Variants in ITFG1 observed in about 807,000 individuals in gnomAD.
ITFG1 encodes integrin alpha FG-GAP repeat containing 1, also known as T-cell immunomodulatory protein.
ITFG1 carries 34 observed loss-of-function variants against 81.8 expected under a neutral mutation model. The observed-to-expected ratio is 0.42, with a 90% CI of 0.32 to 0.55. The LOEUF is 0.55. ITFG1 is among the 20% of genes least tolerant of loss of function. ITFG1 has a pLI of 0.17. For missense variants in ITFG1, 672 were observed against 755.4 expected, an observed-to-expected ratio of 0.89 and a Z score of 1.29; for synonymous variants, 285 against 270.6, an observed-to-expected ratio of 1.05 and a Z score of -0.52.
intron 10 of ITFG1, among the ~76,000 whole-genome samples, chr16:47,286,732 G>C (rs1482263260): frequency 1.3e-5 from 2 of 152,002 alleles, no homozygotes; most frequent in African/African-American, 4.8e-5. Flanking sequence ...AGGTCCTTAA[G>C]TCCTAAAGAG....
chr16:47,270,739 A>G (rs1017740184), intron 10 of ITFG1, among the ~76,000 whole-genome samples: 3 of 152,248 alleles, frequency 2.0e-5, no homozygotes, highest in Non-Finnish European at 4.4e-5. Flanking sequence ...GCAAAGAGCT[A>G]AAGATACATG....
At chr16:47,255,012 G>A (rs1781718640) in intron 12 of ITFG1, among the ~76,000 whole-genome samples, 1 of 152,152 alleles carries the variant, frequency 6.6e-6, no homozygotes, top group African/African-American at 2.4e-5. Context: ...GCTTCAACCT[G>A]GGAGGCGGAG....
At chr16:47,255,064 G>A (rs972517289) in intron 12 of ITFG1, among the ~76,000 whole-genome samples, 4 of 152,278 alleles carry the variant, frequency 2.6e-5, no homozygotes, top group Admixed American at 6.5e-5. Context: ...TCCAGTCTGG[G>A]CAATAGACCG....
intron 6 of ITFG1, chr16:47,426,405 A>G (rs1252298601): frequency 6.6e-6 from 1 of 151,600 alleles, no homozygotes; most frequent in Non-Finnish European, 1.5e-5. Context: ...CAAAAATAAG[A>G]TTAAAAAAAT....
At chr16:47,318,216 T>G (rs1967393591) in intron 8 of ITFG1, among the ~76,000 whole-genome samples, 1 of 152,220 alleles carries the variant, frequency 6.6e-6, no homozygotes, top group Non-Finnish European at 1.5e-5. Flanking sequence ...TGCAAATACA[T>G]ATACTACATA....
intron 14 of ITFG1, among the ~76,000 whole-genome samples, chr16:47,211,597 G>A (rs889077870): frequency 3.3e-5 from 5 of 152,102 alleles, no homozygotes; most frequent in Non-Finnish European, 5.9e-5. Context: ...CCTAATCTTC[G>A]ACGCAGACCA....
rs140841532 is a variant in ITFG1, at chr16:47,375,449, T to TA, written c.720+426dup. On this transcript the variant is annotated intron_variant, in intron 7 of 17. Coordinates refer to ENST00000320640, the MANE Select transcript of ITFG1 (RefSeq NM_030790.5). ...CCTATTGGGAAAGATTTCTTAATCC[T>TA]AGTCAACGTGGCAGTAAGTTTGGTG... is the stretch of plus-strand genomic sequence containing the variant. 2.7e-3 allele frequency among the ~76,000 whole-genome samples: 406 copies of TA among 152,242 alleles called. 10 individuals are homozygous for TA. In the East Asian group the frequency reaches 0.04, roughly 15 times the overall value.
intron 6 of ITFG1, among the ~76,000 whole-genome samples, chr16:47,423,994 G>A (rs1968985809): frequency 6.6e-6 from 1 of 152,202 alleles, no homozygotes; most frequent in South Asian, 2.1e-4. Context: ...GGTTGGGGAA[G>A]TTCTCCTGGA....
chr16:47,352,012 A>G (rs1967965652), intron 8 of ITFG1, among the ~76,000 whole-genome samples: 1 of 152,240 alleles, frequency 6.6e-6, no homozygotes, highest in Non-Finnish European at 1.5e-5. Context: ...CCATATGTAG[A>G]AAGCTGAAAC....
At chr16:47,186,576 A>T (rs939138002) in intron 14 of ITFG1, among the ~76,000 whole-genome samples, 7 of 152,096 alleles carry the variant, frequency 4.6e-5, no homozygotes, top group Non-Finnish European at 1.0e-4. Context: ...CATGCTAAAA[A>T]CTCTCAACAA....
chr16:47,327,012 G>A (rs1409743142), intron 8 of ITFG1, among the ~76,000 whole-genome samples: 22 of 152,214 alleles, frequency 1.4e-4, no homozygotes, highest in Admixed American at 9.8e-4. Flanking sequence ...AGCCCGCATC[G>A]CCAAGTCAAT....
chr16:47,454,372 C>G (rs756893629), intron 2 of ITFG1, among the ~76,000 whole-genome samples: 6 of 152,094 alleles, frequency 3.9e-5, no homozygotes, highest in Admixed American at 6.5e-5. Context: ...TCTCAAGAAA[C>G]AAGACAAATC....
chr16:47,363,411 C>T (rs1405810276), intron 8 of ITFG1, among the ~76,000 whole-genome samples: 2 of 151,968 alleles, frequency 1.3e-5, no homozygotes, highest in East Asian at 3.9e-4. Flanking sequence ...CTTGTGTTGC[C>T]TAGGCTAGGG....
chr16:47,163,848 A>G (rs948667728), intron 14 of ITFG1, among the ~76,000 whole-genome samples: 2 of 151,432 alleles, frequency 1.3e-5, no homozygotes, highest in African/African-American at 4.8e-5. Flanking sequence ...TTTTACTTGC[A>G]TTTCCCAAAT....
chr16:47,230,090 G>A (rs1317316589), intron 13 of ITFG1, among the ~76,000 whole-genome samples: 2 of 152,144 alleles, frequency 1.3e-5, no homozygotes, highest in South Asian at 2.1e-4. Context: ...AGTACTATCC[G>A]AGGTTGCAGG....
intron 8 of ITFG1, among the ~76,000 whole-genome samples, chr16:47,352,927 A>G (rs916700868): frequency 6.6e-6 from 1 of 152,226 alleles, no homozygotes; most frequent in African/African-American, 2.4e-5. Context: ...ATGAAGCTGG[A>G]AACCATGATT....
intron 1 of ITFG1, 27 bp downstream of exon 1, chr16:47,460,811 C>G (rs1351250763): frequency 1.9e-6 from 3 of 1,609,724 alleles, no homozygotes; most frequent in Middle Eastern, 1.7e-4. Context: ...GGACAGCGAA[C>G]AGAGGGAGGG....
chr16:47,365,347 C>G (rs1024399254), intron 8 of ITFG1, among the ~76,000 whole-genome samples: 12 of 152,254 alleles, frequency 7.9e-5, no homozygotes, highest in African/African-American at 2.9e-4. Context: ...TTCATATGTC[C>G]TCTTTTGGGT....
chr16:47,460,730 G>C, intron 1 of ITFG1, 108 bp downstream of exon 1: 1 of 1,211,124 alleles, frequency 8.3e-7, no homozygotes, highest in Non-Finnish European at 1.2e-6. Flanking sequence ...AGGGCTGGGA[G>C]AGAAGGACCA....
Sources: gnomAD v4.1 joint callset for allele counts (sites outside exome capture counted in the v4.1 genomes callset) on GRCh38, gnomAD v4.1.1 for gene constraint, MANE v1.5 for transcripts, NCBI Gene and HGNC (gene_info 2026-07-23, HGNC 2026-07-21) for gene names.